Variants in DMD observed in about 807,000 individuals in gnomAD.
The protein encoded by DMD is dystrophin, also known as mutant dystrophin.
In DMD, 63 loss-of-function variants were observed where a neutral mutation model predicts 330.1. That is an observed-to-expected ratio of 0.19 (90% confidence interval 0.16 to 0.24). DMD has a LOEUF of 0.24. Among genes scored for constraint, DMD ranks in the 10% least tolerant of loss-of-function variants. The pLI is 1.00. For synonymous variants in DMD, 1,223 were observed against 959.8 expected (o/e 1.27, Z -5.07); for missense variants, 3,344 against 2,684.1 (o/e 1.25, Z -5.43).
chrX:32,837,987 C>T (rs772498710), intron 4 of DMD, among the ~76,000 whole-genome samples: 1 of 111,952 alleles, frequency 8.9e-6, no homozygotes, highest in East Asian at 2.8e-4. Flanking sequence ...GAAGTATCTA[C>T]TATGCTTTAG....
At chrX:31,198,009 T>C (rs2043071508) in intron 67 of DMD, among the ~76,000 whole-genome samples, 1 of 85,435 alleles carries the variant, frequency 1.2e-5, no homozygotes, top group African/African-American at 4.4e-5. Flanking sequence ...ATGTTCTCAC[T>C]CATGTGTGGG....
intron 44 of DMD, among the ~76,000 whole-genome samples, chrX:32,192,032 G>A (rs753022267): frequency 9.0e-6 from 1 of 111,702 alleles, no homozygotes; most frequent in African/African-American, 3.3e-5. Context: ...TATAATAAGG[G>A]GGCCTATATT....
intron 1 of DMD, among the ~76,000 whole-genome samples, chrX:33,122,178 T>C (rs924578795): frequency 8.9e-6 from 1 of 111,964 alleles, no homozygotes; most frequent in East Asian, 2.8e-4. Flanking sequence ...GGAGCCGAGA[T>C]TGCACCAGTG....
rs1298537228 is a variant in DMD at position 32,472,157 on chromosome X, C to T, written c.2949+7G>A. 8.3e-7 allele frequency: 1 copy of T among 1,208,483 alleles called. No homozygotes were observed. The highest frequency in any genetic ancestry group is 1.8e-5 in the African/African-American group (1 of 57,023). ...TTTATTGTTTTGACATTCAAATATT[C>T]ACAGACCTGCAATTCCCCGAGTCTC... On this transcript the variant is annotated splice_region_variant and intron_variant, in intron 22 of 78. Transcript: ENST00000357033.
At chrX:32,184,232 C>G (rs1445505110) in intron 44 of DMD, among the ~76,000 whole-genome samples, 1 of 109,968 alleles carries the variant, frequency 9.1e-6, no homozygotes, top group East Asian at 2.8e-4. Context: ...GGTATTGTTA[C>G]AATTATTAAC....
intron 1 of DMD, among the ~76,000 whole-genome samples, chrX:33,073,957 C>T (rs1294229287): frequency 8.9e-6 from 1 of 111,787 alleles, no homozygotes; most frequent in African/African-American, 3.3e-5. Context: ...TAACAAAATA[C>T]CATTTTCCCA....
chrX:33,062,602 G>A (rs1316566819), intron 1 of DMD, among the ~76,000 whole-genome samples: 4 of 111,628 alleles, frequency 3.6e-5, no homozygotes, highest in Admixed American at 9.5e-5. Context: ...TCAGCCTCCC[G>A]AGTAGCTGGG....
intron 9 of DMD, among the ~76,000 whole-genome samples, chrX:32,648,656 A>T (rs2059931579): frequency 8.9e-6 from 1 of 112,187 alleles, no homozygotes; most frequent in South Asian, 3.6e-4. Context: ...AAACCGACGA[A>T]AAAAGAAATT....
At chrX:32,628,936 T>C (rs769354695) in intron 11 of DMD, among the ~76,000 whole-genome samples, 9 of 112,393 alleles carry the variant, frequency 8.0e-5, no homozygotes, top group African/African-American at 2.6e-4. Flanking sequence ...GCAGAACATA[T>C]GGCTTGTCCT....
chrX:32,862,825 C>G (rs190184563), intron 2 of DMD, among the ~76,000 whole-genome samples: 10 of 111,031 alleles, frequency 9.0e-5, no homozygotes, highest in African/African-American at 3.3e-4. Context: ...CAACCTCCGC[C>G]TCCCAGGTTC....
At chrX:32,825,470 G>A (rs2078624082) in intron 4 of DMD, among the ~76,000 whole-genome samples, 1 of 111,328 alleles carries the variant, frequency 9.0e-6, no homozygotes, top group African/African-American at 3.3e-5. Context: ...CACAACAGAA[G>A]GTCACATAAT....
chrX:32,964,861 T>A (rs958778969), intron 2 of DMD, among the ~76,000 whole-genome samples: 1 of 112,027 alleles, frequency 8.9e-6, no homozygotes, highest in Non-Finnish European at 1.9e-5. Flanking sequence ...ATATCAAACG[T>A]TATATACCTT....
At chrX:32,976,298 C>T (rs1377729434) in intron 2 of DMD, among the ~76,000 whole-genome samples, 3 of 110,466 alleles carry the variant, frequency 2.7e-5, no homozygotes, top group Admixed American at 9.7e-5. Flanking sequence ...ATTTAAGAAA[C>T]GTGAAAGCAC....
At chrX:32,636,947 G>A (rs996864730) in intron 11 of DMD, among the ~76,000 whole-genome samples, 8 of 109,657 alleles carry the variant, frequency 7.3e-5, no homozygotes, top group Admixed American at 2.9e-4. Context: ...GCAGTGAGCC[G>A]AGATAGCGCC....
intron 1 of DMD, among the ~76,000 whole-genome samples, chrX:33,104,628 C>A (rs2095270447): frequency 9.0e-6 from 1 of 110,987 alleles, no homozygotes; most frequent in African/African-American, 3.3e-5. Context: ...GGACTCAGCC[C>A]ACCTGCACCC....
rs190879423 is a variant in DMD at position 31,801,222 on chromosome X, C to A, written c.7309+18753G>T. 4.4e-3 allele frequency among the ~76,000 whole-genome samples: 493 copies of A among 111,570 alleles called. 1 individual carries two copies. Among genetic ancestry groups the A allele is most frequent in the Admixed American group, 7.5e-3 (79 of 10,498 alleles). ...AAACTTACAATCATGGAGGAAGGCACCTTTTCACAGGGTGATAGGAGAGAG... is the reference window on the plus strand; with the variant it reads ...AAACTTACAATCATGGAGGAAGGCAACTTTTCACAGGGTGATAGGAGAGAG... On this transcript the variant is annotated intron_variant, in intron 50 of 78. Transcript: ENST00000357033.
chrX:33,173,745 A>C (rs1335377429), intron 1 of DMD, among the ~76,000 whole-genome samples: 2 of 111,019 alleles, frequency 1.8e-5, no homozygotes, highest in African/African-American at 6.5e-5. Context: ...AGAATAAAGA[A>C]AAAGTTAAGA....
At chrX:31,310,030 A>G (rs767076404) in intron 62 of DMD, among the ~76,000 whole-genome samples, 1 of 110,892 alleles carries the variant, frequency 9.0e-6, no homozygotes, top group South Asian at 3.9e-4. Flanking sequence ...ACCACTATTA[A>G]CAAGATAAAC....
chrX:31,127,799 T>G (rs961638930), intron 77 of DMD, among the ~76,000 whole-genome samples: 11 of 111,771 alleles, frequency 9.8e-5, no homozygotes, highest in Admixed American at 3.8e-4. Flanking sequence ...GGTTCAAAAC[T>G]TCTAGTATAC....
Sources: gnomAD v4.1 joint callset for allele counts (sites outside exome capture counted in the v4.1 genomes callset) on GRCh38, gnomAD v4.1.1 for gene constraint, MANE v1.5 for transcripts, NCBI Gene and HGNC (gene_info 2026-07-23, HGNC 2026-07-21) for gene names.